GABBR2: variants seen among roughly 807,000 people sequenced by gnomAD.
GABBR2 encodes the protein G-protein coupled receptor 51.
In GABBR2, 23 loss-of-function variants were observed where a neutral mutation model predicts 105.6. The ratio of observed to expected loss-of-function variants is 0.22; its 90% CI spans 0.16 to 0.31. The LOEUF (loss-of-function observed/expected upper bound fraction) is 0.31. GABBR2 is among the 10% of genes least tolerant of loss of function. GABBR2 has a pLI of 1.00. For synonymous variants in GABBR2, 478 were observed against 499.7 expected, an observed-to-expected ratio of 0.96 and a Z score of 0.58; for missense variants, 734 against 1,245.5, an observed-to-expected ratio of 0.59 and a Z score of 6.18.
chr9:98,481,508 T>A (rs1224394079), intron 4 of GABBR2, among the ~76,000 whole-genome samples: 2 of 152,208 alleles, frequency 1.3e-5, no homozygotes, highest in Non-Finnish European at 2.9e-5. Flanking sequence ...ACCTTCCTGA[T>A]AGTTAATCCC....
In GABBR2 at chr9:98,332,804, G is replaced by A. The variant is rs115623651; in HGVS notation, c.1894-21599C>T. 3.2e-3 allele frequency among the ~76,000 whole-genome samples: 481 copies of A among 152,336 alleles called. 2 individuals are homozygous for A. Among genetic ancestry groups the A allele is most frequent in the African/African-American group, 0.01 (426 of 41,576 alleles). On this transcript the variant is annotated intron_variant, in intron 13 of 18. Transcript: ENST00000259455. ...AGGAAAATCCTCCACGCCCATTGGC[G>A]GAAATCATGCAGGCCCTGAGTACCT...
At chr9:98,405,939 C>A in intron 8 of GABBR2, 142 bp downstream of exon 8, 1 of 616,800 alleles carries the variant, frequency 1.6e-6, no homozygotes, top group Non-Finnish European at 2.8e-6. Context: ...CTAATGTTTT[C>A]AGAAAAGTGT....
chr9:98,676,787 T>C (rs933831572), intron 1 of GABBR2, among the ~76,000 whole-genome samples: 1 of 152,208 alleles, frequency 6.6e-6, no homozygotes, highest in African/African-American at 2.4e-5. Context: ...GAAATAAGTG[T>C]TCAACTTACT....
intron 10 of GABBR2, among the ~76,000 whole-genome samples, chr9:98,387,546 A>G (rs1263143453): frequency 6.6e-6 from 1 of 152,166 alleles, no homozygotes; most frequent in Non-Finnish European, 1.5e-5. Flanking sequence ...TTGTAAGTAA[A>G]ATAAAATAAC....
chr9:98,380,010 C>A (rs1004746791), intron 11 of GABBR2, among the ~76,000 whole-genome samples: 11 of 150,968 alleles, frequency 7.3e-5, no homozygotes, highest in Admixed American at 4.6e-4. Context: ...AATAAAAAAT[C>A]AGAATAGTCT....
chr9:98,646,827 C>T (rs1416453050), intron 1 of GABBR2, among the ~76,000 whole-genome samples: 2 of 152,142 alleles, frequency 1.3e-5, no homozygotes, highest in African/African-American at 4.8e-5. Flanking sequence ...GAGGGTCCTC[C>T]CACACCTATC....
At chr9:98,639,254 G>A (rs1829925035) in intron 1 of GABBR2, among the ~76,000 whole-genome samples, 1 of 152,180 alleles carries the variant, frequency 6.6e-6, no homozygotes, top group African/African-American at 2.4e-5. Context: ...TCTCAAAGCA[G>A]TGTCCTCACC....
intron 2 of GABBR2, among the ~76,000 whole-genome samples, chr9:98,564,197 C>T (rs765036649): frequency 2.0e-5 from 3 of 152,160 alleles, no homozygotes; most frequent in South Asian, 4.1e-4. Flanking sequence ...GGAAGTTCCT[C>T]GCCAACACAG....
intron 1 of GABBR2, among the ~76,000 whole-genome samples, chr9:98,590,363 C>G (rs996140895): frequency 6.6e-6 from 1 of 152,220 alleles, no homozygotes; most frequent in African/African-American, 2.4e-5. Flanking sequence ...ACTCTGAATT[C>G]TTGGCCGGCT....
At chr9:98,375,921 C>A (rs1302065117) in intron 11 of GABBR2, among the ~76,000 whole-genome samples, 1 of 152,216 alleles carries the variant, frequency 6.6e-6, no homozygotes, top group East Asian at 1.9e-4. Context: ...ACCACCAATA[C>A]AAGTCTCTAC....
At chr9:98,583,250 C>T (rs1829027684) in intron 1 of GABBR2, among the ~76,000 whole-genome samples, 1 of 152,242 alleles carries the variant, frequency 6.6e-6, no homozygotes, top group South Asian at 2.1e-4. Flanking sequence ...ATCCTAATTT[C>T]TAATGCTGTG....
chr9:98,464,359 C>T (rs1471507595), intron 6 of GABBR2, among the ~76,000 whole-genome samples: 4 of 150,772 alleles, frequency 2.7e-5, no homozygotes, highest in African/African-American at 7.3e-5. Flanking sequence ...TCTGCCTGGC[C>T]GCCCCCTCTG....
Position 98,388,803 on chromosome 9 carries a change from G to C in GABBR2, c.1529+51C>G, listed in dbSNP as rs1832124822. 5.3e-6 allele frequency: 8 copies of C among 1,497,050 alleles called. No individual in the cohort carries two copies. Among genetic ancestry groups the C allele is most frequent in the Non-Finnish European group, 7.4e-6 (8 of 1,083,634 alleles). The allele number at this position is 1,497,050 out of a possible 1,614,324, so 92.7% of individuals were successfully genotyped here. On this transcript the variant is annotated intron_variant, in intron 10 of 18. Transcript: ENST00000259455. The surrounding 1 kb of genome is among the most constrained non-coding windows in gnomAD (Gnocchi z 4.4). ...GTGGCACTCCTATACTGTGTCCATA[G>C]GCTTGTCAATTTAGAAAGTGATATC...
Position 98,423,133 on chromosome 9 carries a change from G to A in GABBR2, c.1237-16992C>T, listed in dbSNP as rs552418869. Among the ~76,000 whole-genome samples, 295 of 152,276 alleles carry A rather than the reference G, an allele frequency of 1.9e-3. 11 individuals carry two copies. In the South Asian group the frequency reaches 0.058, roughly 30 times the overall value. On this transcript the variant is annotated intron_variant, in intron 7 of 18. Coordinates refer to ENST00000259455, the MANE Select transcript of GABBR2 (RefSeq NM_005458.8). Reference sequence around the variant, plus strand: ...GTCCTTTGGGTATATACCCAGTAATGGGATGGCTGGGTCAAATGGTATTTC... The same window carrying A: ...GTCCTTTGGGTATATACCCAGTAATAGGATGGCTGGGTCAAATGGTATTTC...
chr9:98,648,115 G>A (rs76731911), intron 1 of GABBR2, among the ~76,000 whole-genome samples: 3,838 of 44,600 alleles, frequency 0.086, 56 homozygotes, highest in South Asian at 0.16. Flanking sequence ...GTGTGTGTGT[G>A]TATAGATAGA....
intron 3 of GABBR2, among the ~76,000 whole-genome samples, chr9:98,539,913 TAAAAAAAAAAAA>T (rs746934812): frequency 9.6e-6 from 1 of 103,726 alleles, no homozygotes; most frequent in African/African-American, 3.6e-5. Flanking sequence ...AGACTTCGTC[TAAAAAAAAAAAA>T]AAAAAAAGAA....
At chr9:98,648,288 C>A (rs949334036) in intron 1 of GABBR2, among the ~76,000 whole-genome samples, 3 of 151,966 alleles carry the variant, frequency 2.0e-5, no homozygotes, top group Non-Finnish European at 2.9e-5. Context: ...GCTGCCACCA[C>A]GCCCAGCTAA....
At chr9:98,475,360 A>G (rs1229441923) in intron 5 of GABBR2, among the ~76,000 whole-genome samples, 4 of 148,512 alleles carry the variant, frequency 2.7e-5, no homozygotes, top group Non-Finnish European at 4.4e-5. Flanking sequence ...AAAAAAAAAG[A>G]AAAGAAAAGA....
At chr9:98,509,847 C>T (rs973585510) in intron 3 of GABBR2, among the ~76,000 whole-genome samples, 3 of 152,194 alleles carry the variant, frequency 2.0e-5, no homozygotes, top group African/African-American at 7.2e-5. Flanking sequence ...AAACACTCTG[C>T]AGGATATTAT....
Sources: allele counts gnomAD v4.1 joint callset (sites outside exome capture counted in the v4.1 genomes callset), GRCh38; gene constraint gnomAD v4.1.1; non-coding constraint Gnocchi (gnomAD v3.1); transcripts MANE v1.5; gene names NCBI Gene and HGNC (gene_info 2026-07-23, HGNC 2026-07-21).